The following DLG4 variants were observed in gnomAD, a reference collection of about 807,000 sequenced individuals.
DLG4 encodes discs large MAGUK scaffold protein 4.
In DLG4, 7 loss-of-function variants were observed where a neutral mutation model predicts 93.8. That is an observed-to-expected ratio of 0.07 (90% CI 0.04 to 0.14). The LOEUF (loss-of-function observed/expected upper bound fraction) is 0.14, where lower values mean the gene tolerates loss of function less well. Ranked by LOEUF, DLG4 falls within the 10% of genes least tolerant of loss-of-function variation. The pLI is 1.00. For missense variants in DLG4, 545 were observed against 992.9 expected (o/e 0.55, Z 6.06); for synonymous variants, 341 against 387.6 (o/e 0.88, Z 1.41).
At chr17:7,204,346 G>A in intron 2 of DLG4, 94 bp from the exon 3 acceptor site, 1 of 1,271,580 alleles carries the variant, frequency 7.9e-7, no homozygotes, top group Non-Finnish European at 1.1e-6. Context: ...TACCCTTTCA[G>A]CCTCTTAGCC....
rs1394460871 is a variant in DLG4 at position 7,187,305 on chromosome 17, C to CGGGGGGGGGG, written c.*3402_*3403insCCCCCCCCCC. Among the ~76,000 whole-genome samples, 1 of 28,810 alleles carries CGGGGGGGGGG rather than the reference C, an allele frequency of 3.5e-5. No individual in the cohort carries two copies. The highest frequency in any genetic ancestry group is 1.3e-4 in the Non-Finnish European group (1 of 7,748). The allele number at this position is 28,810 out of a possible 152,430, so 18.9% of individuals were successfully genotyped here. A position where few individuals can be genotyped will look rare whatever the true frequency, so the allele number is the denominator to read the frequency against. On this transcript the variant is annotated 3_prime_UTR_variant, in exon 20 of 20. Coordinates refer to ENST00000399506, the MANE Select transcript of DLG4 (RefSeq NM_001321075.3). Reference sequence around the variant, plus strand: ...CTGTAATCCTAGCACTTTGGGAGGCCGAGGGGGGGGGGGGTGGATCACCCG... The same window carrying CGGGGGGGGGG: ...CTGTAATCCTAGCACTTTGGGAGGCCGGGGGGGGGGGAGGGGGGGGGGGGTGGATCACCCG...
Position 7,191,536 on chromosome 17 carries a change from C to T in DLG4, c.1977-178G>A. The T allele has an allele frequency of 9.5e-6, 6 of 629,268 alleles. No individual in the cohort carries two copies. Among genetic ancestry groups the T allele is most frequent in the South Asian group, 9.4e-5 (5 of 53,220 alleles). The allele number at this position is 629,268 out of a possible 1,614,324, so 39.0% of individuals were successfully genotyped here. Reference sequence around the variant, plus strand: ...AACCACCCCCCACCCCCCTGCCACCCGCAACCGCCCCAGCCAGGTGTGGCT... The same window carrying T: ...AACCACCCCCCACCCCCCTGCCACCTGCAACCGCCCCAGCCAGGTGTGGCT... On this transcript the variant is annotated intron_variant, in intron 18 of 19. Coordinates refer to ENST00000399506, the MANE Select transcript of DLG4 (RefSeq NM_001321075.3). This position sits in a 1 kb window ranked among gnomAD's most constrained non-coding sequence, Gnocchi z 6.6.
chr17:7,211,911 A>G (rs979592377), intron 1 of DLG4, among the ~76,000 whole-genome samples: 1 of 148,418 alleles, frequency 6.7e-6, no homozygotes, highest in Non-Finnish European at 1.5e-5. Context: ...TTAGCCACCA[A>G]CTTCCCTGGT....
chr17:7,190,840 G>A (rs1228609449), intron 19 of DLG4, 26 bp from the exon 20 acceptor site: 1 of 1,602,760 alleles, frequency 6.2e-7, no homozygotes, highest in East Asian at 2.2e-5. Flanking sequence ...AGCAGGGAGT[G>A]AGGCCAAGGA....
At position 7,187,850 on chromosome 17, in the gene DLG4, C is replaced by T. The variant is rs2069333916; in HGVS notation, c.*2858G>A. Among the ~76,000 whole-genome samples, 1 of 152,104 alleles carries T rather than the reference C, an allele frequency of 6.6e-6. No homozygotes were observed. The highest frequency in any genetic ancestry group is 1.5e-5 in the Non-Finnish European group (1 of 68,012). ...TTGGGAGGCCAAGGCGGGCAGATCA[C>T]CTGAGGTCAAGAGTTTGAGACCAGC... is the stretch of plus-strand genomic sequence containing the variant. On this transcript the variant is annotated 3_prime_UTR_variant, in exon 20 of 20. Transcript: ENST00000399506.
intron 2 of DLG4, 174 bp from the exon 3 acceptor site, chr17:7,204,426 C>T (rs112642733): frequency 3.2e-6 from 2 of 625,306 alleles, no homozygotes; most frequent in South Asian, 2.0e-5. Flanking sequence ...CACGCACACG[C>T]GTGCACATGC....
Position 7,187,308 on chromosome 17 carries a change from G to T in DLG4, c.*3400C>A, listed in dbSNP as rs903168245. Among the ~76,000 whole-genome samples, 4 of 75,018 alleles carry T rather than the reference G, an allele frequency of 5.3e-5. 1 individual carries two copies. The highest frequency in any genetic ancestry group is 4.9e-4 in the East Asian group (1 of 2,042). 49.2% of individuals were successfully genotyped at this position (75,018 alleles called of 152,430 possible). On this transcript the variant is annotated 3_prime_UTR_variant, in exon 20 of 20. Transcript: ENST00000399506. The stretch of plus-strand genomic sequence containing the variant: ...TAATCCTAGCACTTTGGGAGGCCGA[G>T]GGGGGGGGGGGTGGATCACCCGAGG...
chr17:7,210,082 A>G (rs899440748), intron 1 of DLG4, among the ~76,000 whole-genome samples: 5 of 152,186 alleles, frequency 3.3e-5, no homozygotes, highest in African/African-American at 7.2e-5. Context: ...TTCCCTCCCA[A>G]AAGTTTCTGA....
rs978852001 is a variant in DLG4, at chr17:7,187,652, C to T, written c.*3056G>A. Among the ~76,000 whole-genome samples, 8 of 152,056 alleles carry T rather than the reference C, an allele frequency of 5.3e-5. No homozygotes were observed. The highest frequency in any genetic ancestry group is 2.0e-4 in the Admixed American group (3 of 15,262). ...TGCCCCTTCTAGTTTAACACGCAGA[C>T]GCATTACCTGCACACACCTTCCTCA... On this transcript the variant is annotated 3_prime_UTR_variant, in exon 20 of 20. Coordinates refer to ENST00000399506, the MANE Select transcript of DLG4 (RefSeq NM_001321075.3).
At chr17:7,207,957 C>A (rs2070551302) in intron 2 of DLG4, 1 of 940,390 alleles carries the variant, frequency 1.1e-6, no homozygotes, top group Non-Finnish European at 1.4e-6. Flanking sequence ...AAACCCCCGC[C>A]CCCAGTCCCA....
intron 8 of DLG4, among the ~76,000 whole-genome samples, chr17:7,200,072 G>A (rs563034019): frequency 2.6e-5 from 4 of 152,086 alleles, no homozygotes; most frequent in African/African-American, 9.6e-5. Context: ...ATGGTATTTA[G>A]GAATAGTACC....
upstream of DLG4, chr17:7,218,978 T>A (rs975713683): frequency 1.0e-6 from 1 of 977,138 alleles, no homozygotes; most frequent in Non-Finnish European, 1.6e-6. Flanking sequence ...TTCCCCCAGG[T>A]CCCAAGGCAC....
intron 19 of DLG4, 147 bp from the exon 20 acceptor site, chr17:7,190,961 C>CTATT: frequency 5.5e-6 from 3 of 540,600 alleles, no homozygotes; most frequent in East Asian, 3.1e-5. Flanking sequence ...ACAGGGGCAC[C>CTATT]TCTTTTTTTT....
chr17:7,219,825 C>G (rs988173181), upstream of DLG4: 6 of 1,534,192 alleles, frequency 3.9e-6, no homozygotes, highest in Admixed American at 4.0e-5. Flanking sequence ...GGGCCGGGCT[C>G]CAGGGAACTA....
intron 2 of DLG4, among the ~76,000 whole-genome samples, chr17:7,207,321 G>A (rs570579908): frequency 6.6e-6 from 1 of 152,092 alleles, no homozygotes; most frequent in Admixed American, 6.5e-5. Flanking sequence ...AGGAGAATGC[G>A]TGGGAGGAAG....
At chr17:7,215,398 C>G (rs576457391) in intron 1 of DLG4, among the ~76,000 whole-genome samples, 25 of 152,324 alleles carry the variant, frequency 1.6e-4, no homozygotes, top group Admixed American at 7.2e-4. Context: ...CCCTCACCCT[C>G]GCTCCCATTT....
chr17:7,218,868 T>C (rs750829139), upstream of DLG4: 4 of 1,613,254 alleles, frequency 2.5e-6, no homozygotes, highest in Non-Finnish European at 3.4e-6. Context: ...TCTCTCACTT[T>C]AATCTCCCTA....
At chr17:7,219,930 A>AGGACGCGGGCGTGCC, upstream of DLG4, 1 of 1,575,004 alleles carries the variant, frequency 6.3e-7, no homozygotes. Context: ...GTGGGCGTGC[A>AGGACGCGGGCGTGCC]GGACGCCAGA....
chr17:7,202,647 T>A (rs188428438), intron 8 of DLG4: 40 of 536,362 alleles, frequency 7.5e-5, no homozygotes, highest in African/African-American at 5.8e-4. Context: ...TATCTATTCC[T>A]TGAGAATTTC....
Sources: gnomAD v4.1 joint callset for allele counts (sites outside exome capture counted in the v4.1 genomes callset) on GRCh38, gnomAD v4.1.1 for gene constraint, Gnocchi (gnomAD v3.1) non-coding constraint, MANE v1.5 for transcripts, NCBI Gene and HGNC (gene_info 2026-07-23, HGNC 2026-07-21) for gene names.